EFR3B: variants seen among roughly 807,000 people sequenced by gnomAD.
The protein encoded by EFR3B is EFR3 homolog B.
Under a neutral mutation model 104.7 loss-of-function variants are expected in EFR3B, and 64 were observed. The ratio of observed to expected loss-of-function variants is 0.61; its 90% confidence interval spans 0.50 to 0.75. The LOEUF is 0.75. Among genes scored for constraint, EFR3B ranks in the 30% least tolerant of loss-of-function variants. The pLI is 0.00. For missense variants in EFR3B, 750 were observed against 1,078.5 expected (o/e 0.70, Z 4.27); for synonymous variants, 385 against 417.9 (o/e 0.92, Z 0.96).
intron 4 of EFR3B, among the ~76,000 whole-genome samples, chr2:25,109,285 A>G (rs1432868370): frequency 6.6e-6 from 1 of 152,216 alleles, no homozygotes; most frequent in East Asian, 1.9e-4. Flanking sequence ...GCTAATCATT[A>G]AGGAAATACA....
chr2:25,130,380 C>T lies in EFR3B; in HGVS notation c.771-172C>T, dbSNP rs1249061210. ...CACAACTGCAGAGCGCTGTCCTTGG[C>T]CTCTCTCCAGCACTGGACTGGGACT... On this transcript the variant is annotated intron_variant, in intron 7 of 22. Coordinates refer to ENST00000403714, the MANE Select transcript of EFR3B (RefSeq NM_014971.2). This position sits in a 1 kb window ranked among gnomAD's most constrained non-coding sequence, Gnocchi z 4.6. Among the ~76,000 whole-genome samples the T allele has an allele frequency of 6.6e-6, 1 of 152,218 alleles. No homozygotes were observed. The highest frequency in any genetic ancestry group is 2.4e-5 in the African/African-American group (1 of 41,460).
chr2:25,081,381 A>T, intron 1 of EFR3B: 1 of 1,047,662 alleles, frequency 9.5e-7, no homozygotes, highest in Non-Finnish European at 1.5e-6. Context: ...ACTCATAGTT[A>T]CAGTTTATCC....
chr2:25,082,788 G>T (rs143170591), intron 1 of EFR3B, among the ~76,000 whole-genome samples: 1 of 152,196 alleles, frequency 6.6e-6, no homozygotes, highest in Non-Finnish European at 1.5e-5. Context: ...TGGGGAGATG[G>T]AGTGTAGACA....
chr2:25,151,320 A>T (rs1422710158), intron 20 of EFR3B, among the ~76,000 whole-genome samples: 1 of 151,864 alleles, frequency 6.6e-6, no homozygotes, highest in Non-Finnish European at 1.5e-5. Flanking sequence ...CAATGGCGTG[A>T]TCTTGGCTCA....
chr2:25,122,343 C>A (rs1670040075), intron 5 of EFR3B, among the ~76,000 whole-genome samples: 1 of 152,100 alleles, frequency 6.6e-6, no homozygotes, highest in South Asian at 2.1e-4. Flanking sequence ...TCCTTTGAGC[C>A]CAATTTGAGA....
chr2:25,058,588 G>A (rs879879515), intron 1 of EFR3B, among the ~76,000 whole-genome samples: 5 of 151,922 alleles, frequency 3.3e-5, no homozygotes, highest in South Asian at 2.1e-4. Context: ...ATAAAACCTC[G>A]TCTCTTCTAA....
intron 1 of EFR3B, chr2:25,080,282 G>GTTTTT: frequency 3.4e-5 from 6 of 177,020 alleles, no homozygotes; most frequent in South Asian, 1.8e-4. Context: ...CCTCCCCAAA[G>GTTTTT]CTTTTTTTTT....
At chr2:25,142,900 GC>G (rs1670710733) in intron 17 of EFR3B, among the ~76,000 whole-genome samples, 1 of 148,736 alleles carries the variant, frequency 6.7e-6, no homozygotes, top group Admixed American at 6.8e-5. Flanking sequence ...CCTGTGAATA[GC>G]CACTGCACTC....
In EFR3B at chr2:25,131,654, C is replaced by T; in HGVS notation, c.986-96C>T. 6.7e-7 allele frequency: 1 copy of T among 1,486,802 alleles called. No homozygotes were observed. The highest frequency in any genetic ancestry group is 1.4e-5 in the African/African-American group (1 of 71,646). The allele number at this position is 1,486,802 out of a possible 1,614,324, so 92.1% of individuals were successfully genotyped here. A position where few individuals can be genotyped will look rare whatever the true frequency, so the allele number is the denominator to read the frequency against. On this transcript the variant is annotated intron_variant, in intron 9 of 22. Coordinates refer to ENST00000403714, the MANE Select transcript of EFR3B (RefSeq NM_014971.2). This position sits in a 1 kb window ranked among gnomAD's most constrained non-coding sequence, Gnocchi z 7.6. Reference sequence around the variant, plus strand: ...GTTGGGAGCGCAGAGGAAGCCCAGGCTGGAAGGGGGCGTGACCCTGCCCTG... The same window carrying T: ...GTTGGGAGCGCAGAGGAAGCCCAGGTTGGAAGGGGGCGTGACCCTGCCCTG...
At chr2:25,106,758 AT>A (rs1250874909) in intron 4 of EFR3B, among the ~76,000 whole-genome samples, 2 of 151,394 alleles carry the variant, frequency 1.3e-5, no homozygotes, top group East Asian at 3.9e-4. Flanking sequence ...AATTTTTTGT[AT>A]TTTTGGTAGA....
In EFR3B at chr2:25,114,603, C is replaced by T. The variant is rs1669809782; in HGVS notation, c.364-7070C>T. Among the ~76,000 whole-genome samples the T allele has an allele frequency of 6.6e-6, 1 of 152,168 alleles. No individual in the cohort carries two copies. Among genetic ancestry groups the T allele is most frequent in the Non-Finnish European group, 1.5e-5 (1 of 68,014 alleles). ...CAACCTCCTAGGCAGTCCTGGGCCCCAGAGGGCAAACAGCATGCTCCAGAG... is the reference window on the plus strand; with the variant it reads ...CAACCTCCTAGGCAGTCCTGGGCCCTAGAGGGCAAACAGCATGCTCCAGAG... On this transcript the variant is annotated intron_variant, in intron 4 of 22. Coordinates refer to ENST00000403714, the MANE Select transcript of EFR3B (RefSeq NM_014971.2). The surrounding 1 kb of genome is among the most constrained non-coding windows in gnomAD (Gnocchi z 4.0).
At chr2:25,127,581 C>T (rs1670203351) in intron 5 of EFR3B, among the ~76,000 whole-genome samples, 1 of 152,130 alleles carries the variant, frequency 6.6e-6, no homozygotes, top group South Asian at 2.1e-4. Flanking sequence ...AAAGAAACTT[C>T]AGTCTGAAAT....
intron 1 of EFR3B, among the ~76,000 whole-genome samples, chr2:25,081,981 G>T (rs897292001): frequency 3.9e-5 from 6 of 152,200 alleles, no homozygotes; most frequent in African/African-American, 1.4e-4. Context: ...CAAGGGGACA[G>T]CTCAGTCAGG....
At chr2:25,149,597 C>G (rs1303051044) in intron 19 of EFR3B, 97 bp from the exon 20 acceptor site, 15 of 1,305,616 alleles carry the variant, frequency 1.1e-5, no homozygotes, top group Non-Finnish European at 1.5e-5. Context: ...GGACTTTCTT[C>G]CAACAAGCAA....
Position 25,072,473 on chromosome 2 carries a change from A to C in EFR3B, c.8-18852A>C, listed in dbSNP as rs1485642526. Reference sequence around the variant, plus strand: ...TTTTTGCATTTTTTGGTAGAGACAGAATTTCACTATGTTGCCTGCGCTGGT... The same window carrying C: ...TTTTTGCATTTTTTGGTAGAGACAGCATTTCACTATGTTGCCTGCGCTGGT... On this transcript the variant is annotated intron_variant, in intron 1 of 22. Coordinates refer to ENST00000403714, the MANE Select transcript of EFR3B (RefSeq NM_014971.2). Among the ~76,000 whole-genome samples the C allele has an allele frequency of 5.9e-5, 9 of 151,920 alleles. No homozygotes were observed. In the East Asian group the frequency reaches 1.2e-3, roughly 20 times the overall value.
At chr2:25,073,289 C>T (rs1317800886) in intron 1 of EFR3B, among the ~76,000 whole-genome samples, 4 of 151,922 alleles carry the variant, frequency 2.6e-5, no homozygotes, top group Admixed American at 2.0e-4. Context: ...CCCAGTTTTG[C>T]TGTATTCCAA....
chr2:25,081,039 C>T (rs557999130), intron 1 of EFR3B: 44 of 747,232 alleles, frequency 5.9e-5, no homozygotes, highest in Non-Finnish European at 9.4e-5. Flanking sequence ...AATGTTGACA[C>T]CACCATGTGA....
intron 4 of EFR3B, among the ~76,000 whole-genome samples, chr2:25,109,213 T>C (rs1317323733): frequency 6.7e-6 from 1 of 148,998 alleles, no homozygotes; most frequent in Non-Finnish European, 1.5e-5. Flanking sequence ...AGAACTCTCA[T>C]AGATATTTTC....
At chr2:25,081,631 A>C (rs1172750612) in intron 1 of EFR3B, 1 of 693,598 alleles carries the variant, frequency 1.4e-6, no homozygotes, top group Non-Finnish European at 2.6e-6. Flanking sequence ...TGTCCAGAGA[A>C]GGTGGCCCCG....
Sources: gnomAD v4.1 joint callset for allele counts (sites outside exome capture counted in the v4.1 genomes callset) on GRCh38, gnomAD v4.1.1 for gene constraint, Gnocchi (gnomAD v3.1) non-coding constraint, MANE v1.5 for transcripts, NCBI Gene and HGNC (gene_info 2026-07-23, HGNC 2026-07-21) for gene names.